Variants in ALKBH3 observed in about 807,000 individuals in gnomAD.
The protein encoded by ALKBH3 is alpha-ketoglutarate-dependent dioxygenase alkB homolog 3.
A neutral mutation model predicts 43.9 loss-of-function variants in ALKBH3; 51 were observed. The observed-to-expected ratio is 1.16, with a 90% CI of 0.93 to 1.47. The LOEUF (loss-of-function observed/expected upper bound fraction) is 1.47. ALKBH3 is among the 40% of genes most tolerant of loss of function. The pLI is 0.00. For missense variants in ALKBH3, 361 were observed against 351.9 expected (o/e 1.03, Z -0.21); for synonymous variants, 102 against 115.2 (o/e 0.89, Z 0.73).
rs543237983 is a variant in ALKBH3, at chr11:43,890,149, G to C, written c.370+321G>C. ...GTTTGTTCACTGACTTGCTTCAAAT[G>C]GTGCCAACTTTTTCCTTTCTTCATA... is the stretch of plus-strand genomic sequence containing the variant. On this transcript the variant is annotated intron_variant, in intron 6 of 9. Coordinates refer to ENST00000302708, the MANE Select transcript of ALKBH3 (RefSeq NM_139178.4). 3.4e-4 allele frequency among the ~76,000 whole-genome samples: 51 copies of C among 152,206 alleles called. 3 individuals carry two copies. The South Asian group carries it at 1.0e-2, about 30-fold the overall frequency.
intron 7 of ALKBH3, among the ~76,000 whole-genome samples, chr11:43,894,283 C>G (rs954188616): frequency 6.6e-6 from 1 of 152,146 alleles, no homozygotes; most frequent in Non-Finnish European, 1.5e-5. Context: ...TCTGAGGTAC[C>G]TAGAACTCTA....
At chr11:43,900,415 G>A (rs890044565) in intron 7 of ALKBH3, among the ~76,000 whole-genome samples, 5 of 151,396 alleles carry the variant, frequency 3.3e-5, no homozygotes, top group African/African-American at 9.7e-5. Context: ...GTAGAGACAG[G>A]GTTTCACCAT....
chr11:43,897,254 C>T (rs1345536209), intron 7 of ALKBH3: 1 of 559,836 alleles, frequency 1.8e-6, no homozygotes, highest in South Asian at 1.4e-5. Context: ...CGCGACTGCT[C>T]CGCAGAGCTG....
chr11:43,883,835 C>G, intron 3 of ALKBH3, 148 bp from the exon 4 acceptor site: 1 of 779,798 alleles, frequency 1.3e-6, no homozygotes, highest in Non-Finnish European at 2.0e-6. Context: ...AGAGTGGAGA[C>G]AAGGGTCTCT....
chr11:43,883,573 T>C (rs1210114185), intron 3 of ALKBH3, among the ~76,000 whole-genome samples: 1 of 152,202 alleles, frequency 6.6e-6, no homozygotes, highest in Non-Finnish European at 1.5e-5. Flanking sequence ...AGCCCTTTTT[T>C]CCCATGAGGA....
rs1952016263 is a variant in ALKBH3 at position 43,920,258 on chromosome 11, G to A, written c.*248G>A. ...CATCTTTAGGCAAATTAAAATCTAT[G>A]TGGCAGTGCTCATGGATGATTTTGT... On this transcript the variant is annotated 3_prime_UTR_variant, in exon 10 of 10. Transcript: ENST00000302708. The A allele has an allele frequency of 2.4e-6, 1 of 415,078 alleles. No individual in the cohort carries two copies. Among genetic ancestry groups the A allele is most frequent in the South Asian group, 3.6e-5 (1 of 27,496 alleles). 25.7% of individuals were successfully genotyped at this position (415,078 alleles called of 1,614,324 possible). A position where few individuals can be genotyped will look rare whatever the true frequency, so the allele number is the denominator to read the frequency against.
intron 7 of ALKBH3, among the ~76,000 whole-genome samples, chr11:43,892,480 A>G (rs151177254): frequency 1.3e-5 from 2 of 152,230 alleles, no homozygotes; most frequent in African/African-American, 4.8e-5. Context: ...TGAGGTCAAT[A>G]TGCCTTTTTC....
intron 8 of ALKBH3, among the ~76,000 whole-genome samples, chr11:43,914,242 C>A (rs1190909607): frequency 6.6e-6 from 1 of 152,216 alleles, no homozygotes; most frequent in South Asian, 2.1e-4. Context: ...AAATGCTAGC[C>A]TGCCCTCCTG....
intron 8 of ALKBH3, among the ~76,000 whole-genome samples, chr11:43,918,097 G>T (rs1951998166): frequency 6.6e-6 from 1 of 152,200 alleles, no homozygotes; most frequent in African/African-American, 2.4e-5. Flanking sequence ...GCAGATGAAT[G>T]AATAGACCCA....
chr11:43,893,429 T>C (rs182527126), intron 7 of ALKBH3, among the ~76,000 whole-genome samples: 84 of 152,352 alleles, frequency 5.5e-4, no homozygotes, highest in Non-Finnish European at 1.0e-3. Flanking sequence ...AGTAGCCTCT[T>C]ATTGTCCGAC....
intron 7 of ALKBH3, chr11:43,897,609 G>T (rs1951828620): frequency 2.1e-5 from 18 of 877,600 alleles, no homozygotes; most frequent in Non-Finnish European, 3.5e-5. Flanking sequence ...AGATGGGGCT[G>T]TTCATGTCAT....
chr11:43,897,548 T>G, intron 7 of ALKBH3: 2 of 779,634 alleles, frequency 2.6e-6, no homozygotes, highest in Non-Finnish European at 4.7e-6. Context: ...CTACGTGTCC[T>G]TTGATTCCGA....
chr11:43,912,494 A>G (rs1951947707), intron 8 of ALKBH3: 1 of 152,232 alleles, frequency 6.6e-6, no homozygotes, highest in African/African-American at 2.4e-5. Flanking sequence ...CCTGTAAAAC[A>G]AGAAACAGGT....
At chr11:43,883,009 T>A in intron 2 of ALKBH3, 76 bp from the exon 3 acceptor site, 1 of 1,199,518 alleles carries the variant, frequency 8.3e-7, no homozygotes. Context: ...AAGTGGGCTT[T>A]ATTGGCCCTT....
intron 8 of ALKBH3, chr11:43,912,404 C>G (rs1951947034): frequency 6.6e-6 from 1 of 152,122 alleles, no homozygotes; most frequent in African/African-American, 2.4e-5. Flanking sequence ...TAAAAGGGCC[C>G]CCTATAGCGT....
rs372346617 is a variant in ALKBH3, at chr11:43,883,071, C to G, written c.80-14C>G. On this transcript the variant is annotated splice_polypyrimidine_tract_variant and intron_variant, in intron 2 of 9. Transcript: ENST00000302708. ...CTTTCCCCTGGTTTGAGGCTGTCCC[C>G]TCTCTTGCTTCAGCTACCACTGCTA... The G allele has an allele frequency of 3.1e-6, 5 of 1,610,730 alleles. No individual in the cohort carries two copies. The highest frequency in any genetic ancestry group is 1.3e-5 in the African/African-American group (1 of 74,842).
At chr11:43,893,835 A>G (rs913026686) in intron 7 of ALKBH3, among the ~76,000 whole-genome samples, 5 of 152,156 alleles carry the variant, frequency 3.3e-5, no homozygotes. Context: ...GTTCATTTAT[A>G]TACTGTCTTG....
At chr11:43,892,155 T>G in intron 7 of ALKBH3, 26 bp downstream of exon 7, 1 of 1,557,488 alleles carries the variant, frequency 6.4e-7, no homozygotes, top group Non-Finnish European at 8.9e-7. Flanking sequence ...GTCATTGGTA[T>G]GGTTTTATAG....
At chr11:43,918,136 A>G (rs1015759132) in intron 8 of ALKBH3, among the ~76,000 whole-genome samples, 2 of 152,222 alleles carry the variant, frequency 1.3e-5, no homozygotes. Context: ...GAGGTGAAGA[A>G]ATCAGGAAGC....
Sources: gnomAD v4.1 joint callset for allele counts (sites outside exome capture counted in the v4.1 genomes callset) on GRCh38, gnomAD v4.1.1 for gene constraint, MANE v1.5 for transcripts, NCBI Gene and HGNC (gene_info 2026-07-23, HGNC 2026-07-21) for gene names.